Variants in CIT observed in about 807,000 individuals in gnomAD.
CIT encodes citron rho-interacting serine/threonine kinase, also known as citron Rho-interacting kinase.
CIT carries 79 observed loss-of-function variants against 272.7 expected under a neutral mutation model. That is an observed-to-expected ratio of 0.29 (90% confidence interval 0.24 to 0.35). CIT has a LOEUF of 0.35. CIT is among the 10% of genes least tolerant of loss of function. The pLI is 1.00. For synonymous variants in CIT, 948 were observed against 995.6 expected, an observed-to-expected ratio of 0.95 and a Z score of 0.90; for missense variants, 1,909 against 2,618.3, an observed-to-expected ratio of 0.73 and a Z score of 5.91.
At chr12:119,775,728 AG>A in intron 16 of CIT, 57 bp downstream of exon 16, 1 of 1,335,148 alleles carries the variant, frequency 7.5e-7, no homozygotes, top group Non-Finnish European at 1.1e-6. Flanking sequence ...GACAAGGCAA[AG>A]ATGTTTGGAA....
intron 23 of CIT, chr12:119,742,785 C>T: frequency 4.5e-6 from 1 of 223,770 alleles, no homozygotes; most frequent in Non-Finnish European, 8.8e-6. Context: ...TTTTACTCTC[C>T]TTCATTTGTC....
chr12:119,705,771 CAAAAAAAAAAAAAA>C (rs148188101), intron 40 of CIT, among the ~76,000 whole-genome samples: 3 of 46,618 alleles, frequency 6.4e-5, no homozygotes, highest in African/African-American at 7.0e-5. Context: ...GACTCTGTCT[CAAAAAAAAAAAAAA>C]AAAAAAAAAA....
rs547673927 is a variant in CIT at position 119,836,262 on chromosome 12, G to A, written c.517-2034C>T. On this transcript the variant is annotated intron_variant, in intron 5 of 47. Transcript: ENST00000392521. Reference sequence around the variant, plus strand: ...AGATCACACCACTGCACTCCAGCCTGGCAACAGAGCGAGACTCCATCTAAA... The same window carrying A: ...AGATCACACCACTGCACTCCAGCCTAGCAACAGAGCGAGACTCCATCTAAA... Among the ~76,000 whole-genome samples the A allele has an allele frequency of 2.5e-3, 320 of 128,774 alleles. 2 individuals are homozygous for A. The highest frequency in any genetic ancestry group is 9.6e-3 in the African/African-American group (304 of 31,768). 84.5% of individuals were successfully genotyped at this position (128,774 alleles called of 152,430 possible).
chr12:119,865,171 G>A (rs1166252098), intron 3 of CIT, among the ~76,000 whole-genome samples: 3 of 152,146 alleles, frequency 2.0e-5, no homozygotes, highest in Non-Finnish European at 2.9e-5. Flanking sequence ...CCCTGGAAGA[G>A]GGGTCTATTA....
chr12:119,742,085 T>C (rs150178858), intron 24 of CIT, among the ~76,000 whole-genome samples: 4 of 152,146 alleles, frequency 2.6e-5, no homozygotes, highest in South Asian at 2.1e-4. Context: ...ACCTTCTACA[T>C]TGGGACAGGA....
At chr12:119,857,908 A>C (rs1336430748) in intron 3 of CIT, among the ~76,000 whole-genome samples, 2 of 152,236 alleles carry the variant, frequency 1.3e-5, no homozygotes, top group Non-Finnish European at 1.5e-5. Flanking sequence ...GAAATTCCAA[A>C]GTACAGTTTC....
At chr12:119,726,846 G>C (rs1845194236) in intron 28 of CIT, among the ~76,000 whole-genome samples, 1 of 152,178 alleles carries the variant, frequency 6.6e-6, no homozygotes, top group African/African-American at 2.4e-5. Context: ...CGTTCTCAGA[G>C]TTCTGTGAAA....
intron 1 of CIT, 75 bp from the exon 2 acceptor site, chr12:119,876,256 C>T: frequency 2.3e-6 from 2 of 887,044 alleles, no homozygotes; most frequent in Non-Finnish European, 3.6e-6. Flanking sequence ...TGATCTCCCT[C>T]AAGATATCAG....
rs149286153 is a variant in CIT, at chr12:119,834,133, C to T, written c.612G>A (p.Glu204=). The T allele has an allele frequency of 2.0e-5, 33 of 1,614,074 alleles. No individual in the cohort carries two copies. In the African/African-American group the frequency reaches 3.2e-4, roughly 16 times the overall value. Residue 204 remains glutamate, a synonymous_variant, in exon 6 of 48, where the codon GAG becomes GAA. Coordinates refer to ENST00000392521, the MANE Select transcript of CIT (RefSeq NM_001206999.2). ...DENLIQFYLA[E]LILAVHSVHL... is the part of the protein sequence containing the mutation. ...GAACGCTGTGAACAGCCAAAATCAG[C>T]TCAGCTAGGTAAAACTGTATCAGGT...
intron 23 of CIT, among the ~76,000 whole-genome samples, chr12:119,743,281 T>TG: frequency 6.7e-6 from 1 of 149,718 alleles, no homozygotes; most frequent in Non-Finnish European, 1.5e-5. Flanking sequence ...TTAGATGGGA[T>TG]GGTCAAGGAG....
chr12:119,789,292 T>C (rs1436921306), intron 10 of CIT, among the ~76,000 whole-genome samples: 2 of 152,188 alleles, frequency 1.3e-5, no homozygotes, highest in African/African-American at 4.8e-5. Flanking sequence ...TGTATGACCA[T>C]CCCCAGCATT....
chr12:119,875,439 T>C (rs1172602383), intron 2 of CIT, among the ~76,000 whole-genome samples: 1 of 152,170 alleles, frequency 6.6e-6, no homozygotes, highest in Non-Finnish European at 1.5e-5. Flanking sequence ...AAAGAATCAG[T>C]GCATATAAAA....
rs773356261 is a variant in CIT, at chr12:119,784,497, T to C, written c.1402-446A>G. 4.4e-5 allele frequency: 52 copies of C among 1,189,330 alleles called. No homozygotes were observed. Among genetic ancestry groups the C allele is most frequent in the Non-Finnish European group, 5.1e-5 (48 of 946,236 alleles). The allele number at this position is 1,189,330 out of a possible 1,614,324, so 73.7% of individuals were successfully genotyped here. ...ACTCTTAGGAGTCCCAGGCAAGCAGTGACTTATTAGTTTCCAGAGCGTTGC... is the reference window on the plus strand; with the variant it reads ...ACTCTTAGGAGTCCCAGGCAAGCAGCGACTTATTAGTTTCCAGAGCGTTGC... On this transcript the variant is annotated intron_variant, in intron 11 of 47. Transcript: ENST00000392521. The surrounding 1 kb of genome is among the most constrained non-coding windows in gnomAD (Gnocchi z 4.7).
In CIT at chr12:119,850,281, GA is replaced by G; in HGVS notation, c.415-7del. 1.3e-6 allele frequency: 2 copies of G among 1,582,856 alleles called. No individual in the cohort carries two copies. Among genetic ancestry groups the G allele is most frequent in the East Asian group, 2.3e-5 (1 of 44,434 alleles). ...TCTTCCTCAAAAAATGAAACCTAGG[GA>G]AAAAAGAAACTGCTTAGACAATTAT... On this transcript the variant is annotated splice_polypyrimidine_tract_variant and splice_region_variant and intron_variant, in intron 4 of 47. Coordinates refer to ENST00000392521, the MANE Select transcript of CIT (RefSeq NM_001206999.2).
chr12:119,766,501 T>C (rs1348817198), intron 19 of CIT, among the ~76,000 whole-genome samples: 1 of 152,140 alleles, frequency 6.6e-6, no homozygotes, highest in Non-Finnish European at 1.5e-5. Flanking sequence ...GAAGGGGTTG[T>C]AGGGAAGGTA....
chr12:119,820,650 T>A (rs1481253444), intron 9 of CIT, among the ~76,000 whole-genome samples: 2 of 151,968 alleles, frequency 1.3e-5, no homozygotes, highest in Non-Finnish European at 2.9e-5. Flanking sequence ...TTTCTATAAA[T>A]CTAATACTAT....
chr12:119,792,246 T>G (rs912030507), intron 10 of CIT, among the ~76,000 whole-genome samples: 1 of 151,932 alleles, frequency 6.6e-6, no homozygotes. Flanking sequence ...AGATCACAAA[T>G]CCCAGATATT....
chr12:119,691,692 T>C (rs140531213), intron 46 of CIT, among the ~76,000 whole-genome samples: 3 of 152,318 alleles, frequency 2.0e-5, no homozygotes, highest in African/African-American at 7.2e-5. Context: ...CTGGCCTGGA[T>C]ATTTCAAATG....
chr12:119,796,024 G>A (rs1965703510), intron 10 of CIT, among the ~76,000 whole-genome samples: 1 of 152,204 alleles, frequency 6.6e-6, no homozygotes, highest in South Asian at 2.1e-4. Context: ...ACTGTTTCAG[G>A]CAAAAGAAGG....
Sources: allele counts gnomAD v4.1 joint callset (sites outside exome capture counted in the v4.1 genomes callset), GRCh38; gene constraint gnomAD v4.1.1; non-coding constraint Gnocchi (gnomAD v3.1); transcripts MANE v1.5; gene names NCBI Gene and HGNC (gene_info 2026-07-23, HGNC 2026-07-21).